DLG2: variants seen among roughly 807,000 people sequenced by gnomAD.
The protein encoded by DLG2 is discs large MAGUK scaffold protein 2.
DLG2 carries 45 observed loss-of-function variants against 132.5 expected under a neutral mutation model. That is an observed-to-expected ratio of 0.34 (90% CI 0.27 to 0.44). The LOEUF is 0.44. Among genes scored for constraint, DLG2 ranks in the 20% least tolerant of loss-of-function variants. The probability of loss-of-function intolerance (pLI) is 1.00; values close to 1 mark genes in which losing one functional copy is unlikely to be tolerated. For synonymous variants in DLG2, 424 were observed against 419.6 expected (o/e 1.01, Z -0.13); for missense variants, 1,045 against 1,196.9 (o/e 0.87, Z 1.87).
In DLG2 at chr11:85,442,437, C is replaced by T. The variant is rs183877919; in HGVS notation, c.40+156220G>A. Among the ~76,000 whole-genome samples the T allele has an allele frequency of 1.6e-4, 24 of 152,122 alleles. No individual in the cohort carries two copies. The South Asian group carries it at 2.9e-3, about 18-fold the overall frequency. On this transcript the variant is annotated intron_variant, in intron 3 of 27. Coordinates refer to ENST00000376104, the MANE Select transcript of DLG2 (RefSeq NM_001142699.3). ...CAGTGAGACTTGATGATAGATTAGA[C>T]GCGGGGATGAAAAGAAAGTGGAATC...
At chr11:84,051,522 G>T in intron 11 of DLG2, among the ~76,000 whole-genome samples, 1 of 150,376 alleles carries the variant, frequency 6.6e-6, no homozygotes, top group East Asian at 2.0e-4. Flanking sequence ...ACTATCGCAA[G>T]GACAAAATAC....
intron 3 of DLG2, among the ~76,000 whole-genome samples, chr11:85,526,714 C>G (rs543910476): frequency 2.4e-4 from 37 of 152,178 alleles, no homozygotes; most frequent in African/African-American, 8.9e-4. Flanking sequence ...GAGGATGTTT[C>G]TGGAAGAGAT....
intron 18 of DLG2, among the ~76,000 whole-genome samples, chr11:83,747,038 T>C (rs545421810): frequency 1.3e-5 from 2 of 152,156 alleles, no homozygotes; most frequent in Non-Finnish European, 1.5e-5. Flanking sequence ...GAAAAGAAAA[T>C]TGATGGACAT....
chr11:83,821,673 G>A (rs945233039), intron 17 of DLG2, among the ~76,000 whole-genome samples: 7 of 151,898 alleles, frequency 4.6e-5, no homozygotes, highest in Non-Finnish European at 8.8e-5. Context: ...AAAACTCTTC[G>A]AATACAGCAA....
chr11:85,114,269 T>C (rs2073212890), intron 5 of DLG2, among the ~76,000 whole-genome samples: 2 of 151,964 alleles, frequency 1.3e-5, no homozygotes, highest in Non-Finnish European at 2.9e-5. Context: ...GGTCAGCTCC[T>C]TAGAAGCCCA....
At chr11:85,311,660 ATAACT>A (rs2080322470) in intron 3 of DLG2, among the ~76,000 whole-genome samples, 1 of 152,068 alleles carries the variant, frequency 6.6e-6, no homozygotes, top group Non-Finnish European at 1.5e-5. Context: ...AACCTTATAG[ATAACT>A]TTTATCTCTT....
intron 3 of DLG2, among the ~76,000 whole-genome samples, chr11:85,400,245 C>G: frequency 6.6e-6 from 1 of 151,120 alleles, no homozygotes; most frequent in African/African-American, 2.4e-5. Flanking sequence ...CCATCTCACA[C>G]CAGTTAGAAT....
At chr11:83,935,721 C>T (rs1216762266) in intron 14 of DLG2, among the ~76,000 whole-genome samples, 1 of 151,984 alleles carries the variant, frequency 6.6e-6, no homozygotes, top group Non-Finnish European at 1.5e-5. Flanking sequence ...ATTTATAGAC[C>T]TAAAATAATA....
chr11:83,699,966 A>C (rs1419647799), intron 18 of DLG2, among the ~76,000 whole-genome samples: 1 of 127,586 alleles, frequency 7.8e-6, no homozygotes, highest in Non-Finnish European at 1.7e-5. Flanking sequence ...CACACACACA[A>C]ATACAGTTTG....
At position 84,825,794 on chromosome 11, in the gene DLG2, T is replaced by C. The variant is rs534789747; in HGVS notation, c.357+285867A>G. Among the ~76,000 whole-genome samples, 38 of 152,098 alleles carry C rather than the reference T, an allele frequency of 2.5e-4. 1 individual carries two copies. Among genetic ancestry groups the C allele is most frequent in the Middle Eastern group, 6.8e-3 (2 of 294 alleles). On this transcript the variant is annotated intron_variant, in intron 6 of 27. Transcript: ENST00000376104. ...ACTGTTATTCCATAGACATATCCCT[T>C]GCCTCACTTGTTCACCTTCTTCATC...
At chr11:84,762,097 A>ATTTTCATTT (rs1275222078) in intron 6 of DLG2, 2 of 152,070 alleles carry the variant, frequency 1.3e-5, no homozygotes, top group African/African-American at 2.4e-5. Flanking sequence ...TTAATTACTC[A>ATTTTCATTT]TTTTCATTTA....
At chr11:85,036,678 G>A (rs582652) in intron 6 of DLG2, among the ~76,000 whole-genome samples, 21,903 of 152,132 alleles carry the variant, frequency 0.14, 1,694 homozygotes, top group South Asian at 0.27. Context: ...CAAAGAGTAT[G>A]TTATGCCTAC....
At chr11:85,215,230 A>G (rs958255358) in intron 4 of DLG2, among the ~76,000 whole-genome samples, 3 of 152,214 alleles carry the variant, frequency 2.0e-5, no homozygotes, top group African/African-American at 7.2e-5. Context: ...ATTGTGACTG[A>G]ATAAAAAATT....
chr11:84,487,105 C>T (rs750481640), intron 7 of DLG2, among the ~76,000 whole-genome samples: 3 of 152,058 alleles, frequency 2.0e-5, no homozygotes, highest in Non-Finnish European at 2.9e-5. Context: ...GTTGCTTAGG[C>T]AACCAAAAAC....
chr11:84,405,125 A>C (rs575414358), intron 7 of DLG2, among the ~76,000 whole-genome samples: 1 of 152,356 alleles, frequency 6.6e-6, no homozygotes, highest in African/African-American at 2.4e-5. Context: ...AATGAATGAA[A>C]ACAGTCCTTG....
At chr11:85,094,966 A>G (rs1251159923) in intron 6 of DLG2, among the ~76,000 whole-genome samples, 1 of 152,200 alleles carries the variant, frequency 6.6e-6, no homozygotes, top group African/African-American at 2.4e-5. Flanking sequence ...CTTAGAGGCC[A>G]TTGTAAGGTT....
At chr11:83,633,946 C>T (rs958613415) in intron 18 of DLG2, among the ~76,000 whole-genome samples, 2 of 137,290 alleles carry the variant, frequency 1.5e-5, no homozygotes, top group African/African-American at 7.1e-5. Context: ...AAACAAAAAG[C>T]AAAAAGCAAA....
intron 6 of DLG2, among the ~76,000 whole-genome samples, chr11:84,837,411 A>C (rs1227386820): frequency 2.0e-5 from 3 of 151,792 alleles, no homozygotes; most frequent in Non-Finnish European, 4.4e-5. Context: ...GGTGCTGGAA[A>C]GGAGGGCAAG....
At chr11:83,688,524 G>A (rs866515471) in intron 18 of DLG2, among the ~76,000 whole-genome samples, 5 of 152,152 alleles carry the variant, frequency 3.3e-5, no homozygotes, top group South Asian at 4.1e-4. Context: ...GACCAGCCTG[G>A]AGAGTGTTAA....
Sources: allele counts gnomAD v4.1 joint callset (sites outside exome capture counted in the v4.1 genomes callset), GRCh38; gene constraint gnomAD v4.1.1; transcripts MANE v1.5; gene names NCBI Gene and HGNC (gene_info 2026-07-23, HGNC 2026-07-21).